The following IQCE variants were observed in gnomAD, a reference collection of about 807,000 sequenced individuals.
IQCE encodes the protein IQ domain-containing protein E.
In IQCE, 115 loss-of-function variants were observed where a neutral mutation model predicts 96.0. The ratio of observed to expected loss-of-function variants is 1.20; its 90% confidence interval spans 1.03 to 1.40. The LOEUF is 1.40. Among genes scored for constraint, IQCE ranks in the 40% most tolerant of loss-of-function variants. The probability of loss-of-function intolerance (pLI) is 0.00; values close to 1 mark genes in which losing one functional copy is unlikely to be tolerated. For missense variants in IQCE, 1,041 were observed against 909.1 expected (o/e 1.15, Z -1.87); for synonymous variants, 412 against 371.2 (o/e 1.11, Z -1.26).
intron 8 of IQCE, among the ~76,000 whole-genome samples, chr7:2,579,445 T>G (rs1782478660): frequency 6.6e-6 from 1 of 152,080 alleles, no homozygotes; most frequent in African/African-American, 2.4e-5. Flanking sequence ...AGAAGGATAT[T>G]ATGGATCAAT....
chr7:2,599,578 C>T (rs914137979), intron 17 of IQCE, among the ~76,000 whole-genome samples: 2 of 151,928 alleles, frequency 1.3e-5, no homozygotes, highest in African/African-American at 4.8e-5. Context: ...CTCACTGCAG[C>T]CTCGACCTCC....
intron 14 of IQCE, among the ~76,000 whole-genome samples, chr7:2,591,126 G>A (rs1437230122): frequency 6.6e-6 from 1 of 151,976 alleles, no homozygotes; most frequent in South Asian, 2.1e-4. Flanking sequence ...AGTGGTTGAA[G>A]CCTGTAATCC....
chr7:2,571,875 A>G (rs11769721), intron 4 of IQCE, among the ~76,000 whole-genome samples: 21,652 of 152,154 alleles, frequency 0.14, 1,747 homozygotes, highest in Non-Finnish European at 0.16. Context: ...TGGTCTCTAC[A>G]TGGGAGTGGT....
chr7:2,562,922 G>C (rs1270293191), intron 1 of IQCE, among the ~76,000 whole-genome samples: 2 of 150,328 alleles, frequency 1.3e-5, no homozygotes, highest in African/African-American at 4.9e-5. Context: ...TTGTGTTTTT[G>C]ATTATTTGTT....
rs199937900 is a variant in IQCE at position 2,572,312 on chromosome 7, G to T, written c.380G>T (p.Arg127Leu). 2.0e-5 allele frequency: 32 copies of T among 1,613,894 alleles called. No individual in the cohort carries two copies. The South Asian group carries it at 3.2e-4, about 16-fold the overall frequency. The change falls in exon 5 of 22, where the codon CGC (arginine) becomes CTC (leucine). Residue 127 changes from arginine to leucine, a missense_variant. Physicochemically the swap from Arg to Leu is moderately radical, Grantham distance 102. Transcript: ENST00000402050. ...TFRVKRPHLR[R>L]SASNGHVPGT... ...AGAGTGAAGAGGCCACATCTCAGGCGCTCTGCCAGCAACGGTGAGCATGCC... is the reference window on the plus strand; with the variant it reads ...AGAGTGAAGAGGCCACATCTCAGGCTCTCTGCCAGCAACGGTGAGCATGCC...
Position 2,573,476 on chromosome 7 carries a change from T to C in IQCE, c.453T>C (p.Ile151=). 6.5e-7 allele frequency: 1 copy of C among 1,532,498 alleles called. No homozygotes were observed. Among genetic ancestry groups the C allele is most frequent in the Non-Finnish European group, 9.0e-7 (1 of 1,106,368 alleles). The allele number at this position is 1,532,498 out of a possible 1,614,324, so 94.9% of individuals were successfully genotyped here. ...AAGAAGATATGTATGACGAGATTAT[T>C]GAGTTAAAGAAGGTAGTATTTCGGT... ...REKEDMYDEI[I]ELKKSLHVQK... The change falls in exon 6 of 22, where the codon ATT becomes ATC. Residue 151 remains isoleucine, a synonymous_variant. Transcript: ENST00000402050.
At chr7:2,596,119 A>G (rs1784017560) in intron 16 of IQCE, among the ~76,000 whole-genome samples, 1 of 152,154 alleles carries the variant, frequency 6.6e-6, no homozygotes, top group African/African-American at 2.4e-5. Flanking sequence ...GGATAAAACC[A>G]GTAGAAGCCA....
At chr7:2,567,752 C>T (rs1311622022) in intron 2 of IQCE, among the ~76,000 whole-genome samples, 1 of 152,238 alleles carries the variant, frequency 6.6e-6, no homozygotes, top group Non-Finnish European at 1.5e-5. Flanking sequence ...AACCTGCAGC[C>T]AGCAGAACGA....
At position 2,608,210 on chromosome 7, in the gene IQCE, T is replaced by C. The variant is rs561859573; in HGVS notation, c.1969+983T>C. The stretch of plus-strand genomic sequence containing the variant: ...CCCCCCAGTACCACTCCAGTAAGTG[T>C]GGGGGCCCGTGGCGGGCGGAGGCCT... On this transcript the variant is annotated intron_variant, in intron 21 of 21. Coordinates refer to ENST00000402050, the MANE Select transcript of IQCE (RefSeq NM_152558.5). Among the ~76,000 whole-genome samples, 6 of 152,228 alleles carry C rather than the reference T, an allele frequency of 3.9e-5. No individual in the cohort carries two copies. In the East Asian group the frequency reaches 1.2e-3, roughly 30 times the overall value.
chr7:2,574,119 C>A (rs535663270), intron 6 of IQCE, among the ~76,000 whole-genome samples: 1 of 152,238 alleles, frequency 6.6e-6, no homozygotes, highest in Non-Finnish European at 1.5e-5. Flanking sequence ...CCACCAGCAC[C>A]GTGACCATCA....
intron 3 of IQCE, 86 bp from the exon 4 acceptor site, chr7:2,571,440 T>G (rs1479806057): frequency 1.4e-5 from 22 of 1,558,298 alleles, no homozygotes; most frequent in Non-Finnish European, 1.9e-5. Flanking sequence ...GGATTTTGTT[T>G]TCCTATTTCT....
Position 2,610,755 on chromosome 7 carries a change from C to T in IQCE, c.*593C>T, listed in dbSNP as rs181250222. 2.2e-3 allele frequency: 335 copies of T among 153,436 alleles called. 3 individuals carry two copies. Among genetic ancestry groups the T allele is most frequent in the Non-Finnish European group, 2.1e-3 (144 of 68,556 alleles). 9.5% of individuals were successfully genotyped at this position (153,436 alleles called of 1,614,324 possible). Reference sequence around the variant, plus strand: ...TACTCCATGCCCCACCCGCTCACACCGTCCTTTCCCGTCACCCTTGCTATC... The same window carrying T: ...TACTCCATGCCCCACCCGCTCACACTGTCCTTTCCCGTCACCCTTGCTATC... On this transcript the variant is annotated 3_prime_UTR_variant, in exon 22 of 22. Coordinates refer to ENST00000402050, the MANE Select transcript of IQCE (RefSeq NM_152558.5).
At chr7:2,600,550 T>A (rs1784365685) in intron 17 of IQCE, among the ~76,000 whole-genome samples, 1 of 152,158 alleles carries the variant, frequency 6.6e-6, no homozygotes, top group African/African-American at 2.4e-5. Flanking sequence ...CAACTCCTCG[T>A]CCTCCCGAAA....
intron 1 of IQCE, among the ~76,000 whole-genome samples, chr7:2,561,514 G>A (rs559236747): frequency 2.0e-5 from 3 of 150,114 alleles, no homozygotes; most frequent in Admixed American, 2.0e-4. Flanking sequence ...TCCGCCTCCC[G>A]GGTTCATAGC....
At chr7:2,572,609 T>G in intron 5 of IQCE, 2 of 585,122 alleles carry the variant, frequency 3.4e-6, no homozygotes, top group Non-Finnish European at 6.3e-6. Flanking sequence ...ATTTATTCAT[T>G]GAGTAAATGA....
rs1260603002 is a variant in IQCE at position 2,589,933 on chromosome 7, A to G, written c.1071A>G (p.Lys357=). ...EKKLSVMESS[K]SHAAEPVRSH... ...AACTAAGTGTGATGGAGAGCTCAAA[A>G]TCACACGCCGCAGAGCCAGTCAGAT... The change falls in exon 14 of 22, where the codon AAA becomes AAG. Residue 357 remains lysine, a synonymous_variant. Coordinates refer to ENST00000402050, the MANE Select transcript of IQCE (RefSeq NM_152558.5). 1.2e-6 allele frequency: 2 copies of G among 1,613,866 alleles called. No individual in the cohort carries two copies. The highest frequency in any genetic ancestry group is 4.5e-5 in the East Asian group (2 of 44,884).
intron 15 of IQCE, 111 bp downstream of exon 15, chr7:2,593,237 G>A (rs964504550): frequency 5.6e-6 from 8 of 1,436,750 alleles, no homozygotes; most frequent in South Asian, 1.5e-5. Context: ...TCTTAGAAAG[G>A]CCACACCTCC....
chr7:2,591,114 G>A (rs1472638733), intron 14 of IQCE, among the ~76,000 whole-genome samples: 4 of 152,050 alleles, frequency 2.6e-5, no homozygotes, highest in Non-Finnish European at 4.4e-5. Flanking sequence ...TTAGCCAGTT[G>A]TAGTGGTTGA....
Position 2,572,325 on chromosome 7 carries a change from C to T in IQCE, c.393C>T (p.Asn131=), listed in dbSNP as rs183230239. 3.3e-5 allele frequency: 53 copies of T among 1,613,630 alleles called. No individual in the cohort carries two copies. The highest frequency in any genetic ancestry group is 1.3e-5 in the African/African-American group (1 of 75,050). Reference sequence around the variant, plus strand: ...CACATCTCAGGCGCTCTGCCAGCAACGGTGAGCATGCCGATGGTGGCGAGG... The same window carrying T: ...CACATCTCAGGCGCTCTGCCAGCAATGGTGAGCATGCCGATGGTGGCGAGG... ...KRPHLRRSAS[N]GHVPGTPVYR... is the part of the protein sequence containing the mutation. The change falls in exon 5 of 22, where the codon AAC becomes AAT. Residue 131 remains asparagine, a splice_region_variant and synonymous_variant. Coordinates refer to ENST00000402050, the MANE Select transcript of IQCE (RefSeq NM_152558.5).
Sources: allele counts gnomAD v4.1 joint callset (sites outside exome capture counted in the v4.1 genomes callset), GRCh38; gene constraint gnomAD v4.1.1; transcripts MANE v1.5; gene names NCBI Gene and HGNC (gene_info 2026-07-23, HGNC 2026-07-21).